The following ANTXR2 variants were observed in gnomAD, a reference collection of about 807,000 sequenced individuals.
ANTXR2 encodes anthrax toxin receptor 2.
A neutral mutation model predicts 73.7 loss-of-function variants in ANTXR2; 44 were observed. That is an observed-to-expected ratio of 0.60 (90% CI 0.47 to 0.77). The LOEUF (loss-of-function observed/expected upper bound fraction) is 0.77. ANTXR2 is among the 30% of genes least tolerant of loss of function. The pLI is 0.00. For synonymous variants in ANTXR2, 217 were observed against 205.9 expected (o/e 1.05, Z -0.46); for missense variants, 604 against 592.5 (o/e 1.02, Z -0.20).
rs564741083 is a variant in ANTXR2 at position 80,004,736 on chromosome 4, A to T, written c.1041+3785T>A. 2.9e-4 allele frequency among the ~76,000 whole-genome samples: 44 copies of T among 152,242 alleles called. No homozygotes were observed. The South Asian group carries it at 8.9e-3, about 31-fold the overall frequency. ...TCACATCTGTAAAGTCCCTTTTGCT[A>T]TATCAGGTAACATTACAAGGTTCCA... On this transcript the variant is annotated intron_variant, in intron 12 of 16. Transcript: ENST00000403729.
Position 79,903,691 on chromosome 4 carries a change from G to T in ANTXR2, c.*3738C>A, listed in dbSNP as rs957881357. On this transcript the variant is annotated 3_prime_UTR_variant, in exon 17 of 17. Transcript: ENST00000403729. ...ACAATATTAATCTAACTCTAAACTA[G>T]AATATGCGTCTGCACTGACTTTATT... The T allele has an allele frequency of 3.9e-5, 6 of 152,060 alleles. No homozygotes were observed. Among genetic ancestry groups the T allele is most frequent in the African/African-American group, 1.4e-4 (6 of 41,416 alleles). The allele number at this position is 152,060 out of a possible 1,614,324, so 9.4% of individuals were successfully genotyped here.
Position 79,983,275 on chromosome 4 carries a change from T to G in ANTXR2, c.1179+603A>C, listed in dbSNP as rs148313479. ...TAAATAATATATCACTTTGAAAAAA[T>G]AGTTCATGGTGATAATAAAATCTTA... On this transcript the variant is annotated intron_variant, in intron 14 of 16. Transcript: ENST00000403729. 8.4e-4 allele frequency among the ~76,000 whole-genome samples: 128 copies of G among 152,160 alleles called. 1 individual carries two copies. The highest frequency in any genetic ancestry group is 3.0e-3 in the African/African-American group (123 of 41,538).
chr4:79,982,204 CAT>C, intron 14 of ANTXR2, among the ~76,000 whole-genome samples: 1 of 152,106 alleles, frequency 6.6e-6, no homozygotes. Flanking sequence ...CCATATTTTA[CAT>C]GAGTGAATTT....
intron 11 of ANTXR2, among the ~76,000 whole-genome samples, chr4:80,009,963 G>A (rs1286386207): frequency 1.3e-5 from 2 of 151,502 alleles, no homozygotes; most frequent in Non-Finnish European, 2.9e-5. Flanking sequence ...AACTTTTACT[G>A]TACAAACAGT....
In ANTXR2 at chr4:79,905,764, G is replaced by A. The variant is rs1296632719; in HGVS notation, c.*1665C>T. 1 of 152,442 alleles carries A rather than the reference G, an allele frequency of 6.6e-6. No homozygotes were observed. Among genetic ancestry groups the A allele is most frequent in the Non-Finnish European group, 1.5e-5 (1 of 68,008 alleles). The allele number at this position is 152,442 out of a possible 1,614,324, so 9.4% of individuals were successfully genotyped here. ...GGACACCAACCAACAGAATACTCCC[G>A]TCCTTTGAAATTTCCATTAAGAGCA... On this transcript the variant is annotated 3_prime_UTR_variant, in exon 17 of 17. Coordinates refer to ENST00000403729, the MANE Select transcript of ANTXR2 (RefSeq NM_058172.6).
At chr4:80,056,042 A>G in intron 3 of ANTXR2, 29 bp from the exon 4 acceptor site, 1 of 1,444,550 alleles carries the variant, frequency 6.9e-7, no homozygotes, top group Non-Finnish European at 9.3e-7. Context: ...AAAAGAAAAA[A>G]TGAGCAAAGA....
chr4:80,022,846 C>T lies in ANTXR2; in HGVS notation c.867-3870G>A, dbSNP rs1319930453. On this transcript the variant is annotated intron_variant, in intron 10 of 16. Transcript: ENST00000403729. ...GAAACTGGAGTCCTGAGTTTGAACC[C>T]TCATCACTCCATTTTTAATCTTCCA... 3.3e-5 allele frequency among the ~76,000 whole-genome samples: 5 copies of T among 152,258 alleles called. No homozygotes were observed. In the East Asian group the frequency reaches 9.7e-4, roughly 29 times the overall value.
chr4:79,924,503 A>G (rs1196712898), intron 16 of ANTXR2, among the ~76,000 whole-genome samples: 1 of 152,240 alleles, frequency 6.6e-6, no homozygotes, highest in Non-Finnish European at 1.5e-5. Context: ...AAATAAATAA[A>G]TAAATAGAAA....
intron 12 of ANTXR2, among the ~76,000 whole-genome samples, chr4:80,007,186 G>A (rs1164349961): frequency 2.0e-5 from 3 of 152,110 alleles, no homozygotes; most frequent in Non-Finnish European, 2.9e-5. Context: ...AATAATAAAC[G>A]CAGGGCTAAA....
chr4:79,910,507 C>CAAAAAAAAAAAAA (rs144527286), intron 16 of ANTXR2, among the ~76,000 whole-genome samples: 3 of 95,650 alleles, frequency 3.1e-5, no homozygotes, highest in Non-Finnish European at 6.2e-5. Flanking sequence ...GACTCCGTCT[C>CAAAAAAAAAAAAA]AAAAAAAAAA....
chr4:79,975,488 A>T (rs1374750923), intron 16 of ANTXR2, among the ~76,000 whole-genome samples: 3 of 152,206 alleles, frequency 2.0e-5, no homozygotes, highest in Non-Finnish European at 2.9e-5. Flanking sequence ...CAATCATGAC[A>T]GTTAAAAGAA....
chr4:79,915,862 C>CTCTCTCTA (rs377006532), intron 16 of ANTXR2, among the ~76,000 whole-genome samples: 16 of 123,884 alleles, frequency 1.3e-4, no homozygotes, highest in East Asian at 2.3e-4. Flanking sequence ...CTCTCTCTCT[C>CTCTCTCTA]TATATATATA....
chr4:80,038,418 A>C (rs1733082111), intron 7 of ANTXR2, among the ~76,000 whole-genome samples: 1 of 152,116 alleles, frequency 6.6e-6, no homozygotes, highest in Non-Finnish European at 1.5e-5. Flanking sequence ...GCTGAAGAAC[A>C]AACACCCTCC....
At position 79,978,325 on chromosome 4, in the gene ANTXR2, A is replaced by G. The variant is rs1729732291; in HGVS notation, c.1180-151T>C. On this transcript the variant is annotated intron_variant, in intron 14 of 16. Coordinates refer to ENST00000403729, the MANE Select transcript of ANTXR2 (RefSeq NM_058172.6). ...TCCTAATTTCTCCTCTTCAGAGGCTAAATAGGTTTCTCACCACTCCTGACT... is the reference window on the plus strand; with the variant it reads ...TCCTAATTTCTCCTCTTCAGAGGCTGAATAGGTTTCTCACCACTCCTGACT... 2.6e-5 allele frequency among the ~76,000 whole-genome samples: 4 copies of G among 151,872 alleles called. No homozygotes were observed. The South Asian group carries it at 8.3e-4, about 31-fold the overall frequency.
In ANTXR2 at chr4:80,035,975, CCA is replaced by C. The variant is rs1732937411; in HGVS notation, c.692_693del (p.Val231GlyfsTer30). 6.5e-7 allele frequency: 1 copy of C among 1,543,504 alleles called. No homozygotes were observed. Among genetic ancestry groups the C allele is most frequent in the East Asian group, 2.4e-5 (1 of 41,116 alleles). ...TTTTTAAATTCTAAACACTTACCCC[CCA>C]CACAGACACTTGAGGGCTGCAATTC... ...ILELQPSSVC[V>X]GEEFQIVLSG... On this transcript the variant is annotated frameshift_variant, in exon 8 of 17. Coordinates refer to ENST00000403729, the MANE Select transcript of ANTXR2 (RefSeq NM_058172.6). LOFTEE classifies it high-confidence loss of function.
rs1726953413 is a variant in ANTXR2 at position 79,907,320 on chromosome 4, C to A, written c.*109G>T. The A allele has an allele frequency of 2.5e-6, 3 of 1,184,068 alleles. No individual in the cohort carries two copies. The highest frequency in any genetic ancestry group is 1.9e-5 in the Admixed American group (1 of 52,226). The allele number at this position is 1,184,068 out of a possible 1,614,324, so 73.3% of individuals were successfully genotyped here. A position where few individuals can be genotyped will look rare whatever the true frequency, so the allele number is the denominator to read the frequency against. On this transcript the variant is annotated 3_prime_UTR_variant, in exon 17 of 17. Coordinates refer to ENST00000403729, the MANE Select transcript of ANTXR2 (RefSeq NM_058172.6). ...CATTTCCCGACTGAGAGGAATTAAG[C>A]TGCTCTTCCAAAAGCTTCTGAAATG...
At chr4:80,003,296 T>TA (rs1163946267) in intron 12 of ANTXR2, among the ~76,000 whole-genome samples, 1 of 150,132 alleles carries the variant, frequency 6.7e-6, no homozygotes, top group African/African-American at 2.4e-5. Context: ...GCATTCTCAG[T>TA]AAACTATCGC....
intron 16 of ANTXR2, among the ~76,000 whole-genome samples, chr4:79,976,406 A>C (rs566749822): frequency 6.6e-6 from 1 of 152,248 alleles, no homozygotes; most frequent in Admixed American, 6.5e-5. Flanking sequence ...GATGGGGCAA[A>C]AACACTTTCC....
upstream of ANTXR2, chr4:80,073,429 C>T (rs1301530444): frequency 2.0e-5 from 3 of 152,208 alleles, no homozygotes; most frequent in Admixed American, 6.5e-5. Context: ...ATTTTAGCAG[C>T]TGTGCTAAAA....
Sources: gnomAD v4.1 joint callset for allele counts (sites outside exome capture counted in the v4.1 genomes callset) on GRCh38, gnomAD v4.1.1 for gene constraint, MANE v1.5 for transcripts, NCBI Gene and HGNC (gene_info 2026-07-23, HGNC 2026-07-21) for gene names.